ANKRD30BL: variants seen among roughly 807,000 people sequenced by gnomAD.
The protein encoded by ANKRD30BL is putative ankyrin repeat domain-containing protein 30B-like.
A neutral mutation model predicts 18.4 loss-of-function variants in ANKRD30BL; 20 were observed. The ratio of observed to expected loss-of-function variants is 1.09; its 90% CI spans 0.77 to 1.58. ANKRD30BL has a LOEUF of 1.58. Among genes scored for constraint, ANKRD30BL ranks in the 40% most tolerant of loss-of-function variants. The pLI is 0.00. For synonymous variants in ANKRD30BL, 72 were observed against 100.9 expected (o/e 0.71, Z 1.72); for missense variants, 224 against 268.6 (o/e 0.83, Z 1.16).
In ANKRD30BL at chr2:132,175,502, C is replaced by G. The variant is rs1408885931; in HGVS notation, n.442-18356G>C. 2.0e-5 allele frequency among the ~76,000 whole-genome samples: 3 copies of G among 152,330 alleles called. No homozygotes were observed. The South Asian group carries it at 6.2e-4, about 32-fold the overall frequency. On this transcript the variant is annotated intron_variant and non_coding_transcript_variant, in intron 1 of 4. Coordinates refer to the ANKRD30BL transcript ENST00000470729. ...AAATCGGGTATTATACTGAGACATT[C>G]AGTTCCCTGGGGCAGGCAGGAGACA...
chr2:132,202,779 C>T (rs1679133739), intron 1 of ANKRD30BL, among the ~76,000 whole-genome samples: 1 of 152,166 alleles, frequency 6.6e-6, no homozygotes, highest in Non-Finnish European at 1.5e-5. Context: ...AATGGAATAT[C>T]AGTTGGCCTC....
rs1055644743 is a variant in ANKRD30BL at position 132,183,526 on chromosome 2, A to G, written n.442-26380T>C. ...GAGGAGTGCCAAGTTACCACCAGGC[A>G]GTTAGCAAGAGGGGGCAAGGCAGCC... is the stretch of plus-strand genomic sequence containing the variant. On this transcript the variant is annotated intron_variant and non_coding_transcript_variant, in intron 1 of 4. Transcript: ENST00000470729. 2.0e-5 allele frequency among the ~76,000 whole-genome samples: 3 copies of G among 152,156 alleles called. 1 individual carries two copies. The highest frequency in any genetic ancestry group is 2.0e-4 in the Admixed American group (3 of 15,278).
At chr2:132,257,079 C>A (rs565373825) in intron 1 of ANKRD30BL, 3 of 487,458 alleles carry the variant, frequency 6.2e-6, no homozygotes, top group African/African-American at 5.9e-5. Flanking sequence ...GCCCTCGGCA[C>A]CACCGAGACC....
chr2:132,220,536 G>C (rs562619331), intron 1 of ANKRD30BL, among the ~76,000 whole-genome samples: 1 of 150,558 alleles, frequency 6.6e-6, no homozygotes, highest in East Asian at 2.0e-4. Context: ...ACTGGTTTTC[G>C]TTTTTTTTTG....
At chr2:132,162,483 C>T (rs1688101626), upstream of ANKRD30BL, among the ~76,000 whole-genome samples, 2 of 152,216 alleles carry the variant, frequency 1.3e-5, no homozygotes, top group Admixed American at 6.5e-5. Context: ...GCAGGCTTGC[C>T]ACCACTGGGC....
At chr2:132,223,756 G>A (rs1015959001) in intron 1 of ANKRD30BL, among the ~76,000 whole-genome samples, 17 of 152,056 alleles carry the variant, frequency 1.1e-4, no homozygotes, top group Non-Finnish European at 2.1e-4. Context: ...GTGGACATTT[G>A]GAGGGCTTTC....
chr2:132,187,777 A>C (rs1439266435), intron 1 of ANKRD30BL, among the ~76,000 whole-genome samples: 3 of 142,436 alleles, frequency 2.1e-5, no homozygotes, highest in African/African-American at 8.3e-5. Flanking sequence ...TTTTTTTTTG[A>C]GATGGAGTTT....
upstream of ANKRD30BL, among the ~76,000 whole-genome samples, chr2:132,166,136 A>G (rs1466463617): frequency 1.3e-5 from 2 of 152,198 alleles, no homozygotes; most frequent in East Asian, 1.9e-4. Flanking sequence ...ATTTTCTAAT[A>G]TTGAATCAGT....
chr2:132,248,563 T>C (rs145583863), intron 1 of ANKRD30BL, among the ~76,000 whole-genome samples: 10 of 151,610 alleles, frequency 6.6e-5, no homozygotes, highest in African/African-American at 1.7e-4. Flanking sequence ...TGGATGCACA[T>C]ATCACAAAGA....
chr2:132,213,297 G>A (rs1679404788), intron 1 of ANKRD30BL, among the ~76,000 whole-genome samples: 1 of 152,000 alleles, frequency 6.6e-6, no homozygotes, highest in Non-Finnish European at 1.5e-5. Context: ...TGGTGGAAAA[G>A]GAATTATCTT....
At chr2:132,184,702 C>T (rs1227874091) in intron 1 of ANKRD30BL, among the ~76,000 whole-genome samples, 1 of 151,584 alleles carries the variant, frequency 6.6e-6, no homozygotes, top group Non-Finnish European at 1.5e-5. Flanking sequence ...CTATATCTTT[C>T]CTTTTTTTTT....
At chr2:132,189,338 T>C (rs1197008871) in intron 1 of ANKRD30BL, among the ~76,000 whole-genome samples, 1 of 152,236 alleles carries the variant, frequency 6.6e-6, no homozygotes, top group East Asian at 1.9e-4. Flanking sequence ...CCTTGGATAA[T>C]TGTGGTTTGC....
At chr2:132,175,008 T>C (rs994575057) in intron 1 of ANKRD30BL, among the ~76,000 whole-genome samples, 2 of 152,022 alleles carry the variant, frequency 1.3e-5, no homozygotes, top group Admixed American at 6.6e-5. Context: ...TCAGAGTAAA[T>C]TAAGTGAAAA....
At chr2:132,170,789 C>A (rs1489026594) in intron 1 of ANKRD30BL, among the ~76,000 whole-genome samples, 3 of 152,212 alleles carry the variant, frequency 2.0e-5, no homozygotes, top group African/African-American at 4.8e-5. Context: ...ATGTGTTTAA[C>A]TCCTCTTTCT....
intron 5 of ANKRD30BL, 88 bp downstream of exon 5, chr2:132,150,824 A>G (rs1246974519): frequency 4.2e-6 from 2 of 477,150 alleles, no homozygotes; most frequent in Non-Finnish European, 3.7e-6. Context: ...CTACTTACAC[A>G]TTGCTTTTCT....
intron 1 of ANKRD30BL, among the ~76,000 whole-genome samples, chr2:132,195,035 T>A (rs1455965411): frequency 6.6e-6 from 1 of 152,152 alleles, no homozygotes. Flanking sequence ...AAATTTGAGG[T>A]AGGCTATAGA....
chr2:132,231,488 T>A (rs1344498504), intron 1 of ANKRD30BL, among the ~76,000 whole-genome samples: 4 of 152,228 alleles, frequency 2.6e-5, no homozygotes, highest in Non-Finnish European at 5.9e-5. Flanking sequence ...GCACGCACCG[T>A]GCACGAGCTG....
At chr2:132,251,986 G>C (rs1465043229) in intron 1 of ANKRD30BL, among the ~76,000 whole-genome samples, 2 of 152,204 alleles carry the variant, frequency 1.3e-5, no homozygotes, top group Non-Finnish European at 2.9e-5. Flanking sequence ...TGTCAAAATG[G>C]AAATAGATAT....
intron 1 of ANKRD30BL, among the ~76,000 whole-genome samples, chr2:132,232,277 C>T (rs1020803831): frequency 5.9e-5 from 9 of 152,306 alleles, no homozygotes; most frequent in Non-Finnish European, 1.2e-4. Flanking sequence ...ATGCAGAACA[C>T]GTCTCCTCCT....
Sources: allele counts gnomAD v4.1 joint callset (sites outside exome capture counted in the v4.1 genomes callset), GRCh38; gene constraint gnomAD v4.1.1; transcripts MANE v1.5; gene names NCBI Gene and HGNC (gene_info 2026-07-23, HGNC 2026-07-21).